The following ERN1 variants were observed in gnomAD, a reference collection of about 807,000 sequenced individuals.
The protein encoded by ERN1 is serine/threonine-protein kinase/endoribonuclease IRE1.
A neutral mutation model predicts 113.1 loss-of-function variants in ERN1; 39 were observed. That is an observed-to-expected ratio of 0.34 (90% confidence interval 0.27 to 0.45). The LOEUF is 0.45. ERN1 is among the 20% of genes least tolerant of loss of function. The pLI, the probability that ERN1 is intolerant of heterozygous loss-of-function variation, is 1.00. For missense variants in ERN1, 976 were observed against 1,274.8 expected, an observed-to-expected ratio of 0.77 and a Z score of 3.57; for synonymous variants, 507 against 515.9, an observed-to-expected ratio of 0.98 and a Z score of 0.23.
At chr17:64,094,674 G>A (rs963164487) in intron 2 of ERN1, among the ~76,000 whole-genome samples, 12 of 149,090 alleles carry the variant, frequency 8.0e-5, no homozygotes, top group African/African-American at 2.7e-4. Context: ...CCGCTATGCC[G>A]GCTGTCTACA....
At chr17:64,112,208 A>G (rs1914690351) in intron 1 of ERN1, among the ~76,000 whole-genome samples, 2 of 152,122 alleles carry the variant, frequency 1.3e-5, no homozygotes. Flanking sequence ...TCTCTATTAA[A>G]TACTCAAAAA....
rs1246305764 is a variant in ERN1 at position 64,053,384 on chromosome 17, T to C, written c.1954-13A>G. Reference sequence around the variant, plus strand: ...TCTGCTCCACATACTGCAAAAGACATGACAGCAAGGTCACGGCACACAGTC... The same window carrying C: ...TCTGCTCCACATACTGCAAAAGACACGACAGCAAGGTCACGGCACACAGTC... On this transcript the variant is annotated splice_polypyrimidine_tract_variant and intron_variant, in intron 15 of 21. Coordinates refer to ENST00000433197, the MANE Select transcript of ERN1 (RefSeq NM_001433.5). 1 of 1,582,286 alleles carries C rather than the reference T, an allele frequency of 6.3e-7. No individual in the cohort carries two copies. The highest frequency in any genetic ancestry group is 1.7e-4 in the Middle Eastern group (1 of 5,932).
At chr17:64,048,636 G>C (rs916362246) in intron 18 of ERN1, among the ~76,000 whole-genome samples, 2 of 152,146 alleles carry the variant, frequency 1.3e-5, no homozygotes, top group African/African-American at 4.8e-5. Flanking sequence ...GGAGGGTGAG[G>C]ATAAAGCTTG....
chr17:64,103,629 G>C (rs1398408217), intron 1 of ERN1, among the ~76,000 whole-genome samples: 1 of 152,042 alleles, frequency 6.6e-6, no homozygotes, highest in Non-Finnish European at 1.5e-5. Context: ...ATGATTGAAA[G>C]GTACATCACC....
At chr17:64,071,372 C>T (rs1345102371) in intron 6 of ERN1, among the ~76,000 whole-genome samples, 2 of 152,056 alleles carry the variant, frequency 1.3e-5, no homozygotes, top group Admixed American at 6.5e-5. Flanking sequence ...TTAAAAACAA[C>T]ACTGCTATTC....
rs753802339 is a variant in ERN1 at position 64,043,246 on chromosome 17, G to A, written c.*742C>T. The A allele has an allele frequency of 1.3e-5, 2 of 152,754 alleles. No individual in the cohort carries two copies. The highest frequency in any genetic ancestry group is 2.9e-5 in the Non-Finnish European group (2 of 68,422). 9.5% of individuals were successfully genotyped at this position (152,754 alleles called of 1,614,324 possible). A position where few individuals can be genotyped will look rare whatever the true frequency, so the allele number is the denominator to read the frequency against. ...TGAGCACCACCCCGAGATGGCCCGG[G>A]ACACACCCACCAAAGGCCACTGTTC... On this transcript the variant is annotated 3_prime_UTR_variant, in exon 22 of 22. Transcript: ENST00000433197.
At chr17:64,062,373 T>A (rs1330211928) in intron 10 of ERN1, among the ~76,000 whole-genome samples, 1 of 152,262 alleles carries the variant, frequency 6.6e-6, no homozygotes, top group Admixed American at 6.5e-5. Flanking sequence ...AGGACATATC[T>A]GGACATAGTA....
chr17:64,044,765 G>T lies in ERN1; in HGVS notation c.2721+95C>A. The T allele has an allele frequency of 1.1e-6, 1 of 883,042 alleles. No homozygotes were observed. Among genetic ancestry groups the T allele is most frequent in the Non-Finnish European group, 1.8e-6 (1 of 546,126 alleles). 54.7% of individuals were successfully genotyped at this position (883,042 alleles called of 1,614,324 possible). ...TAGCTCCTGAGAGATGAGAATGCCA[G>T]TACAGATAAAAGATTTATAAAGAAT... On this transcript the variant is annotated intron_variant, in intron 21 of 21. Transcript: ENST00000433197. The surrounding 1 kb of genome is among the most constrained non-coding windows in gnomAD (Gnocchi z 4.1).
intron 1 of ERN1, among the ~76,000 whole-genome samples, chr17:64,127,111 A>G (rs1477734524): frequency 6.6e-6 from 1 of 152,174 alleles, no homozygotes; most frequent in Non-Finnish European, 1.5e-5. Context: ...TGGATTAACA[A>G]AAGACAGCCT....
chr17:64,043,252 C>T lies in ERN1; in HGVS notation c.*736G>A, dbSNP rs1339847957. On this transcript the variant is annotated 3_prime_UTR_variant, in exon 22 of 22. Transcript: ENST00000433197. Reference sequence around the variant, plus strand: ...CCACCCCGAGATGGCCCGGGACACACCCACCAAAGGCCACTGTTCTGGCCA... The same window carrying T: ...CCACCCCGAGATGGCCCGGGACACATCCACCAAAGGCCACTGTTCTGGCCA... The T allele has an allele frequency of 1.3e-5, 2 of 152,768 alleles. No individual in the cohort carries two copies. Among genetic ancestry groups the T allele is most frequent in the African/African-American group, 4.8e-5 (2 of 41,470 alleles). 9.5% of individuals were successfully genotyped at this position (152,768 alleles called of 1,614,324 possible). A position where few individuals can be genotyped will look rare whatever the true frequency, so the allele number is the denominator to read the frequency against.
rs867067706 is a variant in ERN1, at chr17:64,054,626, G to A, written c.1763+112C>T. The stretch of plus-strand genomic sequence containing the variant: ...GCTCCCTGGAGGCCGGACTCCATGC[G>A]TCTAGGTCACTGCTTTGACCCTGCT... On this transcript the variant is annotated intron_variant, in intron 14 of 21. Transcript: ENST00000433197. The surrounding 1 kb of genome is among the most constrained non-coding windows in gnomAD (Gnocchi z 4.9). The A allele has an allele frequency of 5.0e-5, 51 of 1,010,792 alleles. No individual in the cohort carries two copies. Among genetic ancestry groups the A allele is most frequent in the South Asian group, 6.4e-5 (4 of 62,742 alleles). The allele number at this position is 1,010,792 out of a possible 1,614,324, so 62.6% of individuals were successfully genotyped here. A position where few individuals can be genotyped will look rare whatever the true frequency, so the allele number is the denominator to read the frequency against.
chr17:64,086,637 CTTT>C (rs773655917), intron 2 of ERN1, among the ~76,000 whole-genome samples: 116 of 47,526 alleles, frequency 2.4e-3, no homozygotes, highest in Non-Finnish European at 3.7e-3. Context: ...CTTTTCTTTC[CTTT>C]TTTTTTTTTT....
At chr17:64,071,879 GA>G in intron 6 of ERN1, 101 bp downstream of exon 6, 2 of 1,323,862 alleles carry the variant, frequency 1.5e-6, no homozygotes, top group Non-Finnish European at 2.1e-6. Context: ...CCTGTGTTTG[GA>G]AAAAAGCAGC....
intron 1 of ERN1, among the ~76,000 whole-genome samples, chr17:64,123,950 T>C (rs1915015551): frequency 2.0e-5 from 3 of 152,168 alleles, no homozygotes; most frequent in Non-Finnish European, 4.4e-5. Context: ...AAGAAAAGTA[T>C]TACCTGTAAA....
intron 1 of ERN1, chr17:64,098,555 C>T (rs749668346): frequency 1.7e-6 from 1 of 580,404 alleles, no homozygotes; most frequent in East Asian, 4.3e-5. Flanking sequence ...TGACTTCCTT[C>T]TCTTGGGCCT....
At chr17:64,081,922 G>T (rs2143414865) in intron 2 of ERN1, among the ~76,000 whole-genome samples, 1 of 152,266 alleles carries the variant, frequency 6.6e-6, no homozygotes, top group East Asian at 1.9e-4. Context: ...AAGTCCGCAG[G>T]CAGGAGACTC....
chr17:64,113,548 C>G (rs1288969018), intron 1 of ERN1, among the ~76,000 whole-genome samples: 2 of 151,532 alleles, frequency 1.3e-5, no homozygotes, highest in African/African-American at 4.9e-5. Flanking sequence ...CTCGCTCTGT[C>G]ACCCAGGCTG....
rs151283657 is a variant in ERN1 at position 64,125,632 on chromosome 17, G to A, written c.54+4344C>T. On this transcript the variant is annotated intron_variant, in intron 1 of 21. Transcript: ENST00000433197. The stretch of plus-strand genomic sequence containing the variant: ...GCCTCCCGAGTAGCTGGGATTACAG[G>A]TGCATGCCACCTTGCCCAGCTAATT... Among the ~76,000 whole-genome samples the A allele has an allele frequency of 3.9e-3, 587 of 152,292 alleles. 2 individuals carry two copies. The highest frequency in any genetic ancestry group is 0.013 in the African/African-American group (550 of 41,550).
intron 1 of ERN1, chr17:64,098,459 T>C (rs1166985185): frequency 1.4e-6 from 1 of 732,076 alleles, no homozygotes; most frequent in Non-Finnish European, 2.5e-6. Flanking sequence ...GGCAGGCTCA[T>C]GACCTAACAT....
Sources: allele counts gnomAD v4.1 joint callset (sites outside exome capture counted in the v4.1 genomes callset), GRCh38; gene constraint gnomAD v4.1.1; non-coding constraint Gnocchi (gnomAD v3.1); transcripts MANE v1.5; gene names NCBI Gene and HGNC (gene_info 2026-07-23, HGNC 2026-07-21).